PAK1: variants seen among roughly 807,000 people sequenced by gnomAD.
PAK1 encodes the protein p21 (RAC1) activated kinase 1.
PAK1 carries 29 observed loss-of-function variants against 67.4 expected under a neutral mutation model. The ratio of observed to expected loss-of-function variants is 0.43; its 90% CI spans 0.32 to 0.59. The LOEUF (loss-of-function observed/expected upper bound fraction) is 0.59, where lower values mean the gene tolerates loss of function less well. Ranked by LOEUF, PAK1 falls within the 20% of genes least tolerant of loss-of-function variation. PAK1 has a pLI of 0.07. For synonymous variants in PAK1, 223 were observed against 237.4 expected, an observed-to-expected ratio of 0.94 and a Z score of 0.56; for missense variants, 337 against 670.7, an observed-to-expected ratio of 0.50 and a Z score of 5.50.
At chr11:77,439,662 T>C (rs1956273345) in intron 1 of PAK1, among the ~76,000 whole-genome samples, 2 of 152,210 alleles carry the variant, frequency 1.3e-5, no homozygotes, top group South Asian at 2.1e-4. Context: ...CTGCCCTCCT[T>C]CTATGTCTCT....
intron 9 of PAK1, among the ~76,000 whole-genome samples, chr11:77,346,827 G>A (rs1404788984): frequency 6.6e-6 from 1 of 152,124 alleles, no homozygotes; most frequent in South Asian, 2.1e-4. Context: ...AAATTCTAAG[G>A]TCATAATCAA....
chr11:77,355,665 T>C lies in PAK1; in HGVS notation c.772+3A>G. The C allele has an allele frequency of 6.2e-7, 1 of 1,610,672 alleles. No individual in the cohort carries two copies. The highest frequency in any genetic ancestry group is 8.5e-7 in the Non-Finnish European group (1 of 1,177,236). On this transcript the variant is annotated splice_donor_region_variant and intron_variant, in intron 7 of 14. Coordinates refer to ENST00000356341, the MANE Select transcript of PAK1 (RefSeq NM_002576.5). ...AAGGTTCAGAAAGCTACAAATTCCT[T>C]ACGTAATTTCTCCAAGATCTCCTCA...
At chr11:77,447,391 A>G (rs1956661631) in intron 1 of PAK1, among the ~76,000 whole-genome samples, 1 of 152,200 alleles carries the variant, frequency 6.6e-6, no homozygotes, top group Admixed American at 6.5e-5. Flanking sequence ...AAGATTTCAT[A>G]AGCACTAACA....
At chr11:77,516,300 C>T in the PAK1 span, among the ~76,000 whole-genome samples, 39 of 152,234 alleles carry the variant, frequency 2.6e-4, 1 homozygote, top group East Asian at 7.1e-3. Flanking sequence ...TATACAATGT[C>T]GTGACTAAAA....
intron 14 of PAK1, chr11:77,325,207 A>G: frequency 3.4e-6 from 4 of 1,172,524 alleles, no homozygotes; most frequent in Non-Finnish European, 4.8e-6. Flanking sequence ...AATAAACAAA[A>G]CAGACTAGAT....
At chr11:77,334,517 A>G (rs1193088624) in intron 13 of PAK1, among the ~76,000 whole-genome samples, 1 of 152,246 alleles carries the variant, frequency 6.6e-6, no homozygotes, top group Admixed American at 6.5e-5. Context: ...CAATCAGAAT[A>G]AATTTCACAT....
intron 1 of PAK1, among the ~76,000 whole-genome samples, chr11:77,406,786 A>C (rs1429779938): frequency 1.0e-5 from 1 of 96,264 alleles, no homozygotes; most frequent in Non-Finnish European, 3.1e-5. Flanking sequence ...ATTTCAAAGG[A>C]AAAAAAAGAG....
the PAK1 span, among the ~76,000 whole-genome samples, chr11:77,517,850 A>G: frequency 2.0e-5 from 3 of 152,270 alleles, no homozygotes; most frequent in East Asian, 1.9e-4. Flanking sequence ...GGAGCACACA[A>G]CCTAGATCCC....
At chr11:77,446,211 A>C (rs1242481374) in intron 1 of PAK1, among the ~76,000 whole-genome samples, 1 of 152,118 alleles carries the variant, frequency 6.6e-6, no homozygotes, top group Admixed American at 6.6e-5. Context: ...CCTATCCTTT[A>C]TTAAGAAGCT....
rs1231385297 is a variant in PAK1 at position 77,392,441 on chromosome 11, C to A, written c.80G>T (p.Gly27Val). ...GTTTAGGGTTCCAGCATCTTTGCTGCCGGCTCCAATCATAGTGCTGGTATT... is the reference window on the plus strand; with the variant it reads ...GTTTAGGGTTCCAGCATCTTTGCTGACGGCTCCAATCATAGTGCTGGTATT... ...MRNTSTMIGAGSKDAGTLNHG... is the reference protein window; with the variant it reads ...MRNTSTMIGAVSKDAGTLNHG... The change falls in exon 2 of 15, where the codon GGC becomes GTC. Residue 27 changes from glycine (G) to valine (V), a missense_variant. Physicochemically the swap from Gly to Val is moderately radical, Grantham distance 109. Coordinates refer to ENST00000356341, the MANE Select transcript of PAK1 (RefSeq NM_002576.5). 28 of 1,613,804 alleles carry A rather than the reference C, an allele frequency of 1.7e-5. No individual in the cohort carries two copies. The highest frequency in any genetic ancestry group is 2.2e-5 in the Non-Finnish European group (26 of 1,179,910).
the PAK1 span, among the ~76,000 whole-genome samples, chr11:77,522,037 G>A: frequency 2.6e-5 from 4 of 152,296 alleles, no homozygotes; most frequent in Non-Finnish European, 4.4e-5. Flanking sequence ...TGATAGGATT[G>A]CATTGTTTGC....
At chr11:77,505,308 C>G in the PAK1 span, among the ~76,000 whole-genome samples, 118 of 152,296 alleles carry the variant, frequency 7.7e-4, no homozygotes, top group African/African-American at 2.8e-3. Context: ...CTGCCTCAGC[C>G]TCCTGAGTAG....
intron 5 of PAK1, among the ~76,000 whole-genome samples, chr11:77,363,816 A>C (rs542907751): frequency 6.6e-6 from 1 of 152,350 alleles, no homozygotes; most frequent in South Asian, 2.1e-4. Context: ...AGGTCAACAA[A>C]ATATTGAGAA....
intron 2 of PAK1, among the ~76,000 whole-genome samples, chr11:77,389,505 C>T (rs780812748): frequency 3.6e-4 from 55 of 152,168 alleles, no homozygotes; most frequent in Non-Finnish European, 6.5e-4. Flanking sequence ...GCAATTTCTC[C>T]ACATCCTCAC....
At chr11:77,368,452 C>T (rs1363902300) in intron 5 of PAK1, among the ~76,000 whole-genome samples, 2 of 152,122 alleles carry the variant, frequency 1.3e-5, no homozygotes, top group East Asian at 3.9e-4. Context: ...TTTCCATTTA[C>T]TTTCTTAAAG....
At chr11:77,478,392 CTCT>C (rs1958082460), upstream of PAK1, among the ~76,000 whole-genome samples, 1 of 152,150 alleles carries the variant, frequency 6.6e-6, no homozygotes. Context: ...ATGTTCTAAG[CTCT>C]TCTTACACTT....
At chr11:77,380,589 G>C (rs187550164) in intron 2 of PAK1, among the ~76,000 whole-genome samples, 64 of 152,320 alleles carry the variant, frequency 4.2e-4, no homozygotes, top group African/African-American at 1.4e-3. Context: ...AGTTGATATA[G>C]AGTAAGTCAT....
At chr11:77,433,844 T>G (rs565662894) in intron 1 of PAK1, among the ~76,000 whole-genome samples, 1 of 152,292 alleles carries the variant, frequency 6.6e-6, no homozygotes, top group South Asian at 2.1e-4. Context: ...AAATAGACAT[T>G]TGTCCCAGGA....
At chr11:77,413,520 C>CT (rs1954768472) in intron 1 of PAK1, among the ~76,000 whole-genome samples, 1 of 151,982 alleles carries the variant, frequency 6.6e-6, no homozygotes, top group South Asian at 2.1e-4. Flanking sequence ...CCCGTCTCTA[C>CT]TAAAAACACA....
Sources: gnomAD v4.1 joint callset for allele counts (sites outside exome capture counted in the v4.1 genomes callset) on GRCh38, gnomAD v4.1.1 for gene constraint, MANE v1.5 for transcripts, NCBI Gene and HGNC (gene_info 2026-07-23, HGNC 2026-07-21) for gene names.